Variants in FLT3 observed in about 807,000 individuals in gnomAD.
FLT3 encodes receptor-type tyrosine-protein kinase FLT3.
FLT3 carries 46 observed loss-of-function variants against 126.6 expected under a neutral mutation model. That is an observed-to-expected ratio of 0.36 (90% CI 0.29 to 0.46). The LOEUF is 0.46. FLT3 is among the 20% of genes least tolerant of loss of function. FLT3 has a pLI of 1.00. For missense variants in FLT3, 1,069 were observed against 1,190.3 expected, an observed-to-expected ratio of 0.90 and a Z score of 1.50; for synonymous variants, 404 against 434.4, an observed-to-expected ratio of 0.93 and a Z score of 0.87.
At chr13:28,064,594 C>A (rs1393431001) in intron 2 of FLT3, among the ~76,000 whole-genome samples, 1 of 151,912 alleles carries the variant, frequency 6.6e-6, no homozygotes, top group Non-Finnish European at 1.5e-5. Flanking sequence ...AAAAGAATGG[C>A]CCTCAAGCAT....
At chr13:28,034,670 C>T (rs1395374077) in intron 12 of FLT3, among the ~76,000 whole-genome samples, 1 of 152,150 alleles carries the variant, frequency 6.6e-6, no homozygotes, top group Non-Finnish European at 1.5e-5. Flanking sequence ...AGAATTACAT[C>T]TGGTCCAGGC....
rs1879747033 is a variant in FLT3 at position 28,100,382 on chromosome 13, C to T, written c.43+86G>A. On this transcript the variant is annotated intron_variant, in intron 1 of 23. Transcript: ENST00000241453. This position sits in a 1 kb window ranked among gnomAD's most constrained non-coding sequence, Gnocchi z 4.8. The stretch of plus-strand genomic sequence containing the variant: ...CGCGGGGAGGAGCGAGGCGGCTGGG[C>T]CGGAGGAGGCGCGCGCCCGGGTCCA... 5.2e-6 allele frequency: 5 copies of T among 966,892 alleles called. No homozygotes were observed. The South Asian group carries it at 1.5e-4, about 30-fold the overall frequency. 59.9% of individuals were successfully genotyped at this position (966,892 alleles called of 1,614,324 possible).
At chr13:28,005,797 T>C (rs1870831436) in intron 23 of FLT3, among the ~76,000 whole-genome samples, 1 of 152,288 alleles carries the variant, frequency 6.6e-6, no homozygotes, top group African/African-American at 2.4e-5. Flanking sequence ...TTCTGAACAA[T>C]GGGTATGTCA....
chr13:28,083,670 G>C (rs1177437670), intron 1 of FLT3, among the ~76,000 whole-genome samples: 2 of 152,164 alleles, frequency 1.3e-5, no homozygotes, highest in African/African-American at 4.8e-5. Flanking sequence ...TGCTTTAGTA[G>C]AGCATTATTT....
chr13:28,091,240 G>C (rs867288631), intron 1 of FLT3, among the ~76,000 whole-genome samples: 1 of 4,240 alleles, frequency 2.4e-4, no homozygotes, highest in African/African-American at 1.1e-3. Flanking sequence ...TTTTTTTTTT[G>C]AGACGGAGTC....
Position 28,034,227 on chromosome 13 carries a change from A to G in FLT3, c.1705-13T>C, listed in dbSNP as rs1431391044. The G allele has an allele frequency of 4.3e-6, 7 of 1,613,984 alleles. No individual in the cohort carries two copies. The South Asian group carries it at 7.7e-5, about 18-fold the overall frequency. On this transcript the variant is annotated splice_polypyrimidine_tract_variant and intron_variant, in intron 13 of 23. Transcript: ENST00000241453. Reference sequence around the variant, plus strand: ...CATACCTAAATTGCTTCAGAGATGAAATGATGAGTCAGTTAGGAATAGGCA... The same window carrying G: ...CATACCTAAATTGCTTCAGAGATGAGATGATGAGTCAGTTAGGAATAGGCA...
chr13:28,017,735 GCTCACTGCAAC>G (rs1398710324), intron 20 of FLT3, among the ~76,000 whole-genome samples: 2 of 149,418 alleles, frequency 1.3e-5, no homozygotes, highest in African/African-American at 4.9e-5. Context: ...CGCGATCTCA[GCTCACTGCAAC>G]CTCCACCTCC....
At chr13:28,058,429 T>G (rs1876231858) in intron 3 of FLT3, among the ~76,000 whole-genome samples, 1 of 151,982 alleles carries the variant, frequency 6.6e-6, no homozygotes, top group African/African-American at 2.4e-5. Context: ...GGAGAATTGC[T>G]TGAACCCGGG....
At chr13:28,051,602 T>C (rs1203394084) in intron 5 of FLT3, among the ~76,000 whole-genome samples, 3 of 144,294 alleles carry the variant, frequency 2.1e-5, no homozygotes, top group Non-Finnish European at 4.5e-5. Flanking sequence ...TGGAGTGCAG[T>C]GGCGCGATCT....
At chr13:28,098,698 T>C (rs898907555) in intron 1 of FLT3, among the ~76,000 whole-genome samples, 21 of 152,064 alleles carry the variant, frequency 1.4e-4, no homozygotes, top group African/African-American at 4.8e-4. Flanking sequence ...TTACACAAAA[T>C]TGGAACAACT....
At chr13:28,013,954 T>C (rs1871607619) in intron 23 of FLT3, among the ~76,000 whole-genome samples, 1 of 152,128 alleles carries the variant, frequency 6.6e-6, no homozygotes, top group Non-Finnish European at 1.5e-5. Flanking sequence ...AAAGGTGTTT[T>C]TTTTCCCTAA....
At position 28,049,705 on chromosome 13, in the gene FLT3, C is replaced by T. The variant is rs762533143; in HGVS notation, c.812G>A (p.Arg271Lys). Residue 271 changes from arginine to lysine, a missense_variant, in exon 7 of 24, where the codon AGG (arginine) becomes AAG (lysine). By Grantham distance (26) the Arg-to-Lys change is conservative (BLOSUM62 2). Transcript: ENST00000241453. The part of the protein sequence containing the change: ...FLKVGEPLWI[R>K]CKAVHVNHGF... The stretch of plus-strand genomic sequence containing the variant: ...ATGGTTCACATGAACAGCTTTGCAC[C>T]TTATCCATAAGGGTTCCCCTACTTT... The T allele has an allele frequency of 6.2e-7, 1 of 1,614,112 alleles. No homozygotes were observed.
intron 1 of FLT3, among the ~76,000 whole-genome samples, chr13:28,098,850 G>A (rs1186159369): frequency 1.3e-5 from 2 of 151,964 alleles, no homozygotes; most frequent in East Asian, 3.8e-4. Context: ...GTAAAAGAAG[G>A]TGGACATAAA....
At chr13:28,090,881 A>C (rs1878987299) in intron 1 of FLT3, among the ~76,000 whole-genome samples, 1 of 152,178 alleles carries the variant, frequency 6.6e-6, no homozygotes, top group South Asian at 2.1e-4. Context: ...AAATTCCCAG[A>C]ATCCAGTTCC....
intron 1 of FLT3, among the ~76,000 whole-genome samples, chr13:28,081,705 T>A (rs1055772801): frequency 5.9e-5 from 9 of 152,120 alleles, no homozygotes; most frequent in African/African-American, 2.2e-4. Flanking sequence ...GATTTATTAA[T>A]TTACTATGAA....
chr13:28,082,072 T>C (rs909180955), intron 1 of FLT3, among the ~76,000 whole-genome samples: 11 of 152,024 alleles, frequency 7.2e-5, no homozygotes, highest in African/African-American at 2.7e-4. Context: ...CCCAGGTTGG[T>C]CTCGAATTCC....
Position 28,062,067 on chromosome 13 carries a change from T to C in FLT3, c.168A>G (p.Val56=), listed in dbSNP as rs2137768401. The change falls in exon 3 of 24, where the codon GTA becomes GTG. Residue 56 remains valine (V), a splice_region_variant and synonymous_variant. Coordinates refer to ENST00000241453, the MANE Select transcript of FLT3 (RefSeq NM_004119.3). ...ACCCGAGGTCTTCCGGGGATTCTGA[T>C]ACCTACGTTGCAGATAGAACAAAGT... ...SVGKSSSYPM[V]SESPEDLGCA... 5 of 1,611,394 alleles carry C rather than the reference T, an allele frequency of 3.1e-6. No individual in the cohort carries two copies. The highest frequency in any genetic ancestry group is 2.2e-5 in the East Asian group (1 of 44,860).
chr13:28,064,765 G>A (rs1421191525), intron 2 of FLT3, among the ~76,000 whole-genome samples: 3 of 152,048 alleles, frequency 2.0e-5, no homozygotes, highest in Non-Finnish European at 4.4e-5. Context: ...ATTGCTGGGG[G>A]AACACACCCT....
At chr13:28,095,011 G>A (rs1265918197) in intron 1 of FLT3, among the ~76,000 whole-genome samples, 1 of 152,034 alleles carries the variant, frequency 6.6e-6, no homozygotes, top group Non-Finnish European at 1.5e-5. Context: ...AAAAATCTTC[G>A]ACCCTATAAC....
Sources: gnomAD v4.1 joint callset for allele counts (sites outside exome capture counted in the v4.1 genomes callset) on GRCh38, gnomAD v4.1.1 for gene constraint, Gnocchi (gnomAD v3.1) non-coding constraint, MANE v1.5 for transcripts, NCBI Gene and HGNC (gene_info 2026-07-23, HGNC 2026-07-21) for gene names.